Variants in DPH2 observed in about 807,000 individuals in gnomAD.
DPH2 encodes 2-(3-amino-3-carboxypropyl)histidine synthase subunit 2.
A neutral mutation model predicts 42.5 loss-of-function variants in DPH2; 28 were observed. The observed-to-expected ratio is 0.66, with a 90% confidence interval of 0.49 to 0.90. The LOEUF is 0.90. Among genes scored for constraint, DPH2 ranks in the 40% least tolerant of loss-of-function variants. DPH2 has a pLI of 0.00. For synonymous variants in DPH2, 279 were observed against 264.4 expected (o/e 1.06, Z -0.53); for missense variants, 576 against 636.0 (o/e 0.91, Z 1.01).
In DPH2 at chr1:43,973,223, A is replaced by C. The variant is rs1055705030; in HGVS notation, c.*684A>C. ...GTTTCTCAGTCACATTAGTCATTCA[A>C]GTGTTCAGACAGCCACATGAGGGGA... is the stretch of plus-strand genomic sequence containing the variant. On this transcript the variant is annotated 3_prime_UTR_variant, in exon 6 of 6. Transcript: ENST00000255108. The C allele has an allele frequency of 6.6e-6, 1 of 152,304 alleles. No homozygotes were observed. Among genetic ancestry groups the C allele is most frequent in the Non-Finnish European group, 1.5e-5 (1 of 68,088 alleles). The allele number at this position is 152,304 out of a possible 1,614,324, so 9.4% of individuals were successfully genotyped here.
intron 2 of DPH2, 56 bp downstream of exon 2, chr1:43,970,764 T>C (rs781393933): frequency 1.3e-6 from 2 of 1,526,506 alleles, no homozygotes; most frequent in East Asian, 4.5e-5. Context: ...CATGGGGTTT[T>C]ACGTCTATGA....
intron 3 of DPH2, 33 bp from the exon 4 acceptor site, chr1:43,971,354 C>T (rs748812190): frequency 1.3e-6 from 2 of 1,548,820 alleles, no homozygotes; most frequent in South Asian, 1.2e-5. Context: ...CTTTGCCAGG[C>T]TCCAACCTCA....
rs746913218 is a variant in DPH2 at position 43,971,686 on chromosome 1, G to A, written c.784G>A (p.Ala262Thr). ...PDTGKTQDEG[A>T]RAGRLRARRR... ...TACAGGGAAGACTCAGGATGAGGGTGCCCGGGCTGGACGGCTAAGGGCACG... is the reference window on the plus strand; with the variant it reads ...TACAGGGAAGACTCAGGATGAGGGTACCCGGGCTGGACGGCTAAGGGCACG... Residue 262 changes from alanine to threonine, a missense_variant, in exon 4 of 6, where the codon GCC becomes ACC. Physicochemically the swap from Ala to Thr is moderately conservative, Grantham distance 58 (BLOSUM62 0). Coordinates refer to ENST00000255108, the MANE Select transcript of DPH2 (RefSeq NM_001384.5). 4 of 1,613,882 alleles carry A rather than the reference G, an allele frequency of 2.5e-6. No homozygotes were observed. In the Admixed American group the frequency reaches 6.7e-5, roughly 27 times the overall value.
rs1194575189 is a variant in DPH2, at chr1:43,972,291, G to C, written c.1302G>C (p.Leu434=). Residue 434 remains leucine (L), a synonymous_variant, in exon 5 of 6, where the codon CTG becomes CTC. Transcript: ENST00000255108. Reference sequence around the variant, plus strand: ...CAAATGATCATGGAAGCTTGGCTCTGACCCCACGGCCCCAGCTGGAGCTGG... The same window carrying C: ...CAAATGATCATGGAAGCTTGGCTCTCACCCCACGGCCCCAGCTGGAGCTGG... The part of the protein sequence containing the change: ...KSSNDHGSLA[L]TPRPQLELAE... 6.2e-7 allele frequency: 1 copy of C among 1,614,184 alleles called. No individual in the cohort carries two copies. The highest frequency in any genetic ancestry group is 1.1e-5 in the South Asian group (1 of 91,078).
rs41270389 is a variant in DPH2 at position 43,970,227 on chromosome 1, G to A, written c.52G>A (p.Gly18Arg). 22 of 1,614,238 alleles carry A rather than the reference G, an allele frequency of 1.4e-5. No homozygotes were observed. Among genetic ancestry groups the A allele is most frequent in the African/African-American group, 5.3e-5 (4 of 75,074 alleles). ...CGAGGCGGCGCTGCAGCGAGAGACC[G>A]GGGTGCCAGGACTGCTTACTCCTCT... ...PAEAALQRET[G>R]VPGLLTPLPD... The change falls in exon 1 of 6, where the codon GGG becomes AGG. Residue 18 changes from glycine (G) to arginine (R), a missense_variant. Physicochemically the swap from Gly to Arg is moderately radical, Grantham distance 125. This residue lies in a region of DPH2 where 395 missense variants were observed against 435.2 expected (regional missense o/e 0.91). Coordinates refer to ENST00000255108, the MANE Select transcript of DPH2 (RefSeq NM_001384.5).
At position 43,970,595 on chromosome 1, in the gene DPH2, G is replaced by T; in HGVS notation, c.148-1G>T. 6.2e-7 allele frequency: 1 copy of T among 1,614,160 alleles called. No individual in the cohort carries two copies. Among genetic ancestry groups the T allele is most frequent in the Non-Finnish European group, 8.5e-7 (1 of 1,180,004 alleles). On this transcript the variant is annotated splice_acceptor_variant, in intron 1 of 5. Transcript: ENST00000255108. LOFTEE classifies it high-confidence loss of function. ...CCTGACTCCATGGTTTATGCTTATA[G>T]GTTGCCTTGCAGTTCCCTGACCAGC...
Position 43,973,225 on chromosome 1 carries a change from T to C in DPH2, c.*686T>C, listed in dbSNP as rs894173511. ...TTCTCAGTCACATTAGTCATTCAAG[T>C]GTTCAGACAGCCACATGAGGGGACA... On this transcript the variant is annotated 3_prime_UTR_variant, in exon 6 of 6. Transcript: ENST00000255108. 6 of 152,394 alleles carry C rather than the reference T, an allele frequency of 3.9e-5. No homozygotes were observed. The highest frequency in any genetic ancestry group is 1.4e-4 in the African/African-American group (6 of 41,576). 9.4% of individuals were successfully genotyped at this position (152,394 alleles called of 1,614,324 possible). A position where few individuals can be genotyped will look rare whatever the true frequency, so the allele number is the denominator to read the frequency against.
At position 43,970,630 on chromosome 1, in the gene DPH2, A is replaced by T; in HGVS notation, c.182A>T (p.Asp61Val). The change falls in exon 2 of 6, where the codon GAT becomes GTT. Residue 61 changes from aspartate to valine, a missense_variant. Coordinates refer to ENST00000255108, the MANE Select transcript of DPH2 (RefSeq NM_001384.5). ...ALQFPDQLLG[D>V]AVAVAARLEE... ...CAGTTCCCTGACCAGCTATTGGGAG[A>T]TGCTGTGGCTGTGGCTGCACGACTG... 1 of 1,614,116 alleles carries T rather than the reference A, an allele frequency of 6.2e-7. No individual in the cohort carries two copies. The highest frequency in any genetic ancestry group is 1.1e-5 in the South Asian group (1 of 91,072).
chr1:43,971,546 G>A lies in DPH2; in HGVS notation c.644G>A (p.Gly215Asp), dbSNP rs542957218. Reference sequence around the variant, plus strand: ...CCAGGGAGGCGTCTAGAAGAGTATGGTGCCTTCTATGTAGGGGGCTCTAAG... The same window carrying A: ...CCAGGGAGGCGTCTAGAAGAGTATGATGCCTTCTATGTAGGGGGCTCTAAG... ...LAPGRRLEEY[G>D]AFYVGGSKAS... Residue 215 changes from glycine (G) to aspartate (D), a missense_variant, in exon 4 of 6, where the codon GGT becomes GAT. By Grantham distance (94) the Gly-to-Asp change is moderately conservative. This residue lies in a region of DPH2 where 395 missense variants were observed against 435.2 expected (regional missense o/e 0.91). Coordinates refer to ENST00000255108, the MANE Select transcript of DPH2 (RefSeq NM_001384.5). 3.7e-5 allele frequency: 59 copies of A among 1,614,194 alleles called. No individual in the cohort carries two copies. The highest frequency in any genetic ancestry group is 3.3e-4 in the Middle Eastern group (2 of 6,062).
At chr1:43,972,385 G>A (rs200212326) in intron 5 of DPH2, 30 bp from the exon 6 acceptor site, 214 of 1,613,672 alleles carry the variant, frequency 1.3e-4, no homozygotes, top group Middle Eastern at 1.6e-4. Context: ...CAGATGCAGC[G>A]CACTCAGACT....
rs2085386614 is a variant in DPH2 at position 43,970,081 on chromosome 1, C to A, written c.-95C>A. On this transcript the variant is annotated 5_prime_UTR_variant, in exon 1 of 6. Transcript: ENST00000255108. ...TGTGATTCCCCCTACCCCCACAAGG[C>A]GATTTTGACCCCCTGAGGGCTGCTC... is the stretch of plus-strand genomic sequence containing the variant. 2 of 1,452,744 alleles carry A rather than the reference C, an allele frequency of 1.4e-6. No homozygotes were observed. Among genetic ancestry groups the A allele is most frequent in the South Asian group, 2.6e-5 (2 of 75,638 alleles). 90.0% of individuals were successfully genotyped at this position (1,452,744 alleles called of 1,614,324 possible).
At position 43,971,459 on chromosome 1, in the gene DPH2, T is replaced by G. The variant is rs1185670180; in HGVS notation, c.557T>G (p.Val186Gly). The change falls in exon 4 of 6, where the codon GTG becomes GGG. Residue 186 changes from valine (V) to glycine (G), a missense_variant. Transcript: ENST00000255108. ...TCCAGCCCAGCTTTTCCCCAACCAG[T>G]GGGTTCCCTGAGTCCAGAGCCTATG... ...LVSSPAFPQPVGSLSPEPMPL... is the reference protein window; with the variant it reads ...LVSSPAFPQPGGSLSPEPMPL... 6.2e-7 allele frequency: 1 copy of G among 1,613,562 alleles called. No homozygotes were observed. The highest frequency in any genetic ancestry group is 1.7e-5 in the Admixed American group (1 of 59,956).
At position 43,970,340 on chromosome 1, in the gene DPH2, G is replaced by A; in HGVS notation, c.147+18G>A. 6.2e-7 allele frequency: 1 copy of A among 1,611,598 alleles called. No individual in the cohort carries two copies. Among genetic ancestry groups the A allele is most frequent in the Non-Finnish European group, 8.5e-7 (1 of 1,178,372 alleles). On this transcript the variant is annotated intron_variant, in intron 1 of 5. Coordinates refer to ENST00000255108, the MANE Select transcript of DPH2 (RefSeq NM_001384.5). ...GTGAACGAGTGAGGACAGACTTAGG[G>A]AAGGGTGGCTCGCCTCTGTCGGGAT...
chr1:43,972,492 G>A lies in DPH2; in HGVS notation c.1423G>A (p.Gly475Arg). ...GACGCCAGTGACAGAAGCTGTGAGT[G>A]GAAGACGAGGGATTGCCATCGCCTA... ...GQTPVTEAVS[G>R]RRGIAIAYED... The change falls in exon 6 of 6, where the codon GGA becomes AGA. Residue 475 changes from glycine (G) to arginine (R), a missense_variant. Transcript: ENST00000255108. The A allele has an allele frequency of 1.2e-6, 2 of 1,614,278 alleles. No homozygotes were observed. The highest frequency in any genetic ancestry group is 1.7e-6 in the Non-Finnish European group (2 of 1,180,052).
In DPH2 at chr1:43,971,131, C is replaced by T; in HGVS notation, c.426C>T (p.Asn142=). ...GTGTCAAGGCCTTTGAGGCCCAGAA[C>T]CCAGACCCCAAAGCGCCTGTGGTGC... The part of the protein sequence containing the change: ...ELCVKAFEAQ[N]PDPKAPVVLL... Residue 142 remains asparagine (N), a synonymous_variant, in exon 3 of 6, where the codon AAC becomes AAT. Coordinates refer to ENST00000255108, the MANE Select transcript of DPH2 (RefSeq NM_001384.5). 1 of 1,557,870 alleles carries T rather than the reference C, an allele frequency of 6.4e-7. No homozygotes were observed. Among genetic ancestry groups the T allele is most frequent in the Non-Finnish European group, 8.7e-7 (1 of 1,149,914 alleles).
rs749663452 is a variant in DPH2, at chr1:43,970,230, G to C, written c.55G>C (p.Val19Leu). The C allele has an allele frequency of 2.5e-6, 4 of 1,614,132 alleles. No homozygotes were observed. In the African/African-American group the frequency reaches 5.3e-5, roughly 22 times the overall value. Residue 19 changes from valine to leucine, a missense_variant, in exon 1 of 6, where the codon GTG becomes CTG. Val to Leu is a conservative substitution (Grantham distance 32, BLOSUM62 1). Transcript: ENST00000255108. Reference protein sequence around the residue: ...AEAALQRETGVPGLLTPLPDL... With the variant: ...AEAALQRETGLPGLLTPLPDL... ...GGCGGCGCTGCAGCGAGAGACCGGG[G>C]TGCCAGGACTGCTTACTCCTCTTCC...
rs549074648 is a variant in DPH2, at chr1:43,971,507, G to T, written c.605G>T (p.Arg202Leu). 6.2e-7 allele frequency: 1 copy of T among 1,614,220 alleles called. No individual in the cohort carries two copies. Among genetic ancestry groups the T allele is most frequent in the Non-Finnish European group, 8.5e-7 (1 of 1,180,022 alleles). Residue 202 changes from arginine (R) to leucine (L), a missense_variant, in exon 4 of 6, where the codon CGC becomes CTC. Coordinates refer to ENST00000255108, the MANE Select transcript of DPH2 (RefSeq NM_001384.5). Reference sequence around the variant, plus strand: ...ATGCCCCTAGAGCGTTTTGGGCGCCGCTTCCCCCTTGCCCCAGGGAGGCGT... The same window carrying T: ...ATGCCCCTAGAGCGTTTTGGGCGCCTCTTCCCCCTTGCCCCAGGGAGGCGT... ...EPMPLERFGR[R>L]FPLAPGRRLE...
chr1:43,972,147 C>T lies in DPH2; in HGVS notation c.1169-11C>T. 2 of 1,612,038 alleles carry T rather than the reference C, an allele frequency of 1.2e-6. No homozygotes were observed. Among genetic ancestry groups the T allele is most frequent in the Admixed American group, 1.7e-5 (1 of 59,880 alleles). On this transcript the variant is annotated splice_polypyrimidine_tract_variant and intron_variant, in intron 4 of 5. Transcript: ENST00000255108. ...GGGTGAGTATGGATTTTCTTTCCTC[C>T]TCCCTTTCAGGCTCTCCCTTCCACG... is the stretch of plus-strand genomic sequence containing the variant.
intron 3 of DPH2, 83 bp downstream of exon 3, chr1:43,971,272 A>T (rs2085416281): frequency 1.3e-6 from 2 of 1,529,238 alleles, no homozygotes; most frequent in Non-Finnish European, 1.8e-6. Flanking sequence ...TACCATCCAT[A>T]GAACTCTTGA....
Sources: gnomAD v4.1 joint callset for allele counts on GRCh38, gnomAD v4.1.1 for gene constraint, gnomAD v4.1.1 regional missense constraint, MANE v1.5 for transcripts, NCBI Gene and HGNC (gene_info 2026-07-23, HGNC 2026-07-21) for gene names.